ZNF692: variants seen among roughly 807,000 people sequenced by gnomAD.
ZNF692 encodes AICAR responsive element binding protein.
In ZNF692, 41 loss-of-function variants were observed where a neutral mutation model predicts 49.0. The ratio of observed to expected loss-of-function variants is 0.84; its 90% CI spans 0.65 to 1.08. The LOEUF is 1.08. ZNF692 is among the 50% of genes least tolerant of loss of function. The probability of loss-of-function intolerance (pLI) is 0.00; values close to 1 mark genes in which losing one functional copy is unlikely to be tolerated. For missense variants in ZNF692, 662 were observed against 662.2 expected (o/e 1.00, Z 0.00); for synonymous variants, 288 against 251.5 (o/e 1.15, Z -1.37).
intron 3 of ZNF692, 89 bp downstream of exon 3, chr1:248,857,739 T>C: frequency 1.3e-6 from 2 of 1,552,904 alleles, no homozygotes; most frequent in East Asian, 2.3e-5. Context: ...CCAAACTTAC[T>C]CAGGGCTCCC....
At chr1:248,853,079 G>T (rs958606684) in intron 10 of ZNF692, among the ~76,000 whole-genome samples, 7 of 152,090 alleles carry the variant, frequency 4.6e-5, no homozygotes, top group Admixed American at 3.9e-4. Context: ...GCTGAGGCTG[G>T]AATCCTCCAA....
intron 2 of ZNF692, 93 bp from the exon 3 acceptor site, chr1:248,857,952 C>T: frequency 6.4e-7 from 1 of 1,568,498 alleles, no homozygotes; most frequent in Non-Finnish European, 8.6e-7. Flanking sequence ...CCCTAAGGGC[C>T]GCTATTCGCT....
intron 4 of ZNF692, 149 bp downstream of exon 4, chr1:248,857,085 T>C: frequency 1.2e-6 from 1 of 841,192 alleles, no homozygotes; most frequent in East Asian, 2.6e-5. Flanking sequence ...TTGCTTTTCA[T>C]GCCCAACAGT....
At chr1:248,854,326 C>A in intron 9 of ZNF692, 1 of 393,816 alleles carries the variant, frequency 2.5e-6, no homozygotes, top group South Asian at 2.8e-5. Context: ...GTCACACTCT[C>A]ACCCTGCAAT....
At position 248,858,161 on chromosome 1, in the gene ZNF692, T is replaced by C; in HGVS notation, c.149A>G (p.His50Arg). ...LLKERLGFSL[H>R]SQLAKFLLDR... ...CAACAGGAACTTGGCGAGCTGCGAG[T>C]GCAGGGAGAAGCCCAGCCGCTCCTT... The change falls in exon 2 of 12, where the codon CAC becomes CGC. Residue 50 changes from histidine to arginine, a missense_variant. Coordinates refer to ENST00000306601, the MANE Select transcript of ZNF692 (RefSeq NM_017865.4). The surrounding 1 kb of genome is among the most constrained non-coding windows in gnomAD (Gnocchi z 4.3). The C allele has an allele frequency of 6.4e-7, 1 of 1,572,340 alleles. No homozygotes were observed. The highest frequency in any genetic ancestry group is 8.6e-7 in the Non-Finnish European group (1 of 1,160,382).
intron 3 of ZNF692, 81 bp from the exon 4 acceptor site, chr1:248,857,578 G>C: frequency 6.5e-7 from 1 of 1,533,332 alleles, no homozygotes; most frequent in Non-Finnish European, 8.8e-7. Flanking sequence ...AGGGAGCCCT[G>C]TTCCCTCAAA....
At position 248,858,797 on chromosome 1, in the gene ZNF692, C is replaced by G. The variant is rs565952450; in HGVS notation, c.-13+121G>C. 6.8e-6 allele frequency: 4 copies of G among 584,632 alleles called. No homozygotes were observed. The highest frequency in any genetic ancestry group is 1.9e-5 in the African/African-American group (1 of 53,462). 36.2% of individuals were successfully genotyped at this position (584,632 alleles called of 1,614,324 possible). A position where few individuals can be genotyped will look rare whatever the true frequency, so the allele number is the denominator to read the frequency against. On this transcript the variant is annotated intron_variant, in intron 1 of 11. Coordinates refer to ENST00000306601, the MANE Select transcript of ZNF692 (RefSeq NM_017865.4). The surrounding 1 kb of genome is among the most constrained non-coding windows in gnomAD (Gnocchi z 4.3). ...GGTCAGAGGTCTGGAGGGCGCCCCC[C>G]ATCCACCCCGTCTTGGGCACCCCCA...
At position 248,855,754 on chromosome 1, in the gene ZNF692, T is replaced by C. The variant is rs777319905; in HGVS notation, c.852A>G (p.Gln284=). The stretch of plus-strand genomic sequence containing the variant: ...CCAGGGCCTCAGTCTGCTGGGCCGC[T>C]TGAGGGGTCCTGCTGAGCTGTGGCT... ...RVQPQLSRTP[Q]AAQQTEALAS... is the part of the protein sequence containing the mutation. Residue 284 remains glutamine (Q), a synonymous_variant, in exon 7 of 12, where the codon CAA becomes CAG. Transcript: ENST00000306601. The C allele has an allele frequency of 6.2e-7, 1 of 1,614,198 alleles. No individual in the cohort carries two copies. The highest frequency in any genetic ancestry group is 1.1e-5 in the South Asian group (1 of 91,084).
At chr1:248,854,141 G>T in intron 9 of ZNF692, 90 bp from the exon 10 acceptor site, 1 of 947,694 alleles carries the variant, frequency 1.1e-6, no homozygotes, top group Non-Finnish European at 1.7e-6. Context: ...CGGCAGGCAT[G>T]CTCCTCTGTC....
At chr1:248,852,860 T>G (rs1659758907) in intron 10 of ZNF692, among the ~76,000 whole-genome samples, 1 of 152,206 alleles carries the variant, frequency 6.6e-6, no homozygotes, top group Admixed American at 6.5e-5. Context: ...TCACTTCCTC[T>G]ATGTAGGGAC....
chr1:248,856,502 CCACATCCT>C lies in ZNF692; in HGVS notation c.524+4_524+11del, dbSNP rs772479391. ...TGCAATTCCGCCTTTTCTCTCCTAT[CCACATCCT>C]CACCTGGGCAACCTGGCCTCTTGAG... is the stretch of plus-strand genomic sequence containing the variant. On this transcript the variant is annotated splice_donor_5th_base_variant and intron_variant, in intron 5 of 11. Transcript: ENST00000306601. 1 of 1,614,260 alleles carries C rather than the reference CCACATCCT, an allele frequency of 6.2e-7. No individual in the cohort carries two copies. The highest frequency in any genetic ancestry group is 8.5e-7 in the Non-Finnish European group (1 of 1,180,052).
Position 248,854,107 on chromosome 1 carries a change from A to T in ZNF692, c.1039-56T>A, listed in dbSNP as rs1339724215. The T allele has an allele frequency of 2.9e-6, 4 of 1,361,228 alleles. No individual in the cohort carries two copies. The African/African-American group carries it at 5.7e-5, about 19-fold the overall frequency. 84.3% of individuals were successfully genotyped at this position (1,361,228 alleles called of 1,614,324 possible). A position where few individuals can be genotyped will look rare whatever the true frequency, so the allele number is the denominator to read the frequency against. On this transcript the variant is annotated intron_variant, in intron 9 of 11. Coordinates refer to ENST00000306601, the MANE Select transcript of ZNF692 (RefSeq NM_017865.4). The stretch of plus-strand genomic sequence containing the variant: ...AGAGGCAAAAGGATAGCCACCTTCC[A>T]CGGAGAGATGAACTGAGCTGACCCG...
chr1:248,850,393 C>T lies in ZNF692; in HGVS notation c.1377G>A (p.Lys459=). The change falls in exon 12 of 12, where the codon AAG becomes AAA. Residue 459 remains lysine (K), a synonymous_variant. Transcript: ENST00000306601. ...TACGGTGGGCTGCAACACTGTCTGG[C>T]TTCTCAAAGCGCTTGCCGCAGAATT... is the stretch of plus-strand genomic sequence containing the variant. The part of the protein sequence containing the change: ...PCEFCGKRFE[K]PDSVAAHRSK... 1 of 1,614,132 alleles carries T rather than the reference C, an allele frequency of 6.2e-7. No homozygotes were observed. Among genetic ancestry groups the T allele is most frequent in the African/African-American group, 1.3e-5 (1 of 75,056 alleles).
chr1:248,855,455 T>C lies in ZNF692; in HGVS notation c.963A>G (p.Lys321=), dbSNP rs1297936727. 6.2e-7 allele frequency: 1 copy of C among 1,614,106 alleles called. No homozygotes were observed. Residue 321 remains lysine (K), a synonymous_variant, in exon 9 of 12, where the codon AAA becomes AAG. Coordinates refer to ENST00000306601, the MANE Select transcript of ZNF692 (RefSeq NM_017865.4). ...TAQIGPKRIR[K]AAKRELMPCD... ...AAGGCATCAGCTCTCTTTTGGCAGC[T>C]TTCCTGAGGAGAAGAATGGAAAGGA...
intron 10 of ZNF692, among the ~76,000 whole-genome samples, chr1:248,853,666 A>G (rs977500102): frequency 4.6e-5 from 7 of 152,184 alleles, no homozygotes; most frequent in Admixed American, 1.3e-4. Flanking sequence ...CTGTATCACT[A>G]AAGTGGATGT....
intron 3 of ZNF692, 163 bp downstream of exon 3, chr1:248,857,665 C>G: frequency 6.8e-7 from 1 of 1,466,450 alleles, no homozygotes; most frequent in Non-Finnish European, 9.0e-7. Flanking sequence ...GACATTGCTC[C>G]CTTCCCCACC....
At position 248,858,811 on chromosome 1, in the gene ZNF692, T is replaced by G; in HGVS notation, c.-13+107A>C. ...AGGGCGCCCCCCATCCACCCCGTCTTGGGCACCCCCACTTAATGCTGACAG... is the reference window on the plus strand; with the variant it reads ...AGGGCGCCCCCCATCCACCCCGTCTGGGGCACCCCCACTTAATGCTGACAG... On this transcript the variant is annotated intron_variant, in intron 1 of 11. Transcript: ENST00000306601. This position sits in a 1 kb window ranked among gnomAD's most constrained non-coding sequence, Gnocchi z 4.3. 5.3e-6 allele frequency: 3 copies of G among 571,098 alleles called. No individual in the cohort carries two copies. The Admixed American group carries it at 9.0e-5, about 17-fold the overall frequency. 35.4% of individuals were successfully genotyped at this position (571,098 alleles called of 1,614,324 possible).
Position 248,858,610 on chromosome 1 carries a change from G to T in ZNF692, c.-12-289C>A. On this transcript the variant is annotated intron_variant, in intron 1 of 11. Transcript: ENST00000306601. This position sits in a 1 kb window ranked among gnomAD's most constrained non-coding sequence, Gnocchi z 4.3. ...TGAAGTGGAGCTGTGGGGAAGGGGC[G>T]AGAGACTTTCACGGGAAATTTCAAC... is the stretch of plus-strand genomic sequence containing the variant. The T allele has an allele frequency of 6.6e-7, 1 of 1,512,446 alleles. No individual in the cohort carries two copies. Among genetic ancestry groups the T allele is most frequent in the Non-Finnish European group, 9.0e-7 (1 of 1,111,570 alleles). The allele number at this position is 1,512,446 out of a possible 1,614,324, so 93.7% of individuals were successfully genotyped here.
chr1:248,858,523 C>T lies in ZNF692; in HGVS notation c.-12-202G>A, dbSNP rs374461285. On this transcript the variant is annotated intron_variant, in intron 1 of 11. Coordinates refer to ENST00000306601, the MANE Select transcript of ZNF692 (RefSeq NM_017865.4). The surrounding 1 kb of genome is among the most constrained non-coding windows in gnomAD (Gnocchi z 4.3). ...AAGCTCAGCGCTACCATGTGAGTGT[C>T]GTCGGGTGGGAGGCAGGCAGACAGA... 3.7e-5 allele frequency: 57 copies of T among 1,551,550 alleles called. No individual in the cohort carries two copies. Among genetic ancestry groups the T allele is most frequent in the Non-Finnish European group, 4.6e-5 (53 of 1,146,998 alleles).
Sources: allele counts gnomAD v4.1 joint callset (sites outside exome capture counted in the v4.1 genomes callset), GRCh38; gene constraint gnomAD v4.1.1; non-coding constraint Gnocchi (gnomAD v3.1); transcripts MANE v1.5; gene names NCBI Gene and HGNC (gene_info 2026-07-23, HGNC 2026-07-21).